SAMD5: variants seen among roughly 807,000 people sequenced by gnomAD.
SAMD5 encodes the protein sterile alpha motif domain-containing protein 5.
Under a neutral mutation model 11.3 loss-of-function variants are expected in SAMD5, and 13 were observed. The observed-to-expected ratio is 1.15, with a 90% CI of 0.75 to 1.83. The LOEUF is 1.83. SAMD5 is among the 40% of genes most tolerant of loss of function. The probability of loss-of-function intolerance (pLI) is 0.00; values close to 1 mark genes in which losing one functional copy is unlikely to be tolerated. For synonymous variants in SAMD5, 129 were observed against 111.3 expected, an observed-to-expected ratio of 1.16 and a Z score of -1.00; for missense variants, 255 against 239.1, an observed-to-expected ratio of 1.07 and a Z score of -0.44.
chr6:147,564,849 T>A lies in SAMD5; in HGVS notation c.*393T>A. On this transcript the variant is annotated 3_prime_UTR_variant, in exon 2 of 2. Transcript: ENST00000367474. The stretch of plus-strand genomic sequence containing the variant: ...AAGGTAGATTTCTGACAGTAAGTAG[T>A]AATTATATTATTTCCAAATTTGCTT... The A allele has an allele frequency of 1.1e-6, 1 of 949,718 alleles. No individual in the cohort carries two copies. The highest frequency in any genetic ancestry group is 1.3e-6 in the Non-Finnish European group (1 of 796,398). The allele number at this position is 949,718 out of a possible 1,614,324, so 58.8% of individuals were successfully genotyped here.
intron 1 of SAMD5, among the ~76,000 whole-genome samples, chr6:147,521,255 T>C (rs1583066337): frequency 6.6e-6 from 1 of 152,266 alleles, no homozygotes; most frequent in South Asian, 2.1e-4. Flanking sequence ...TGTATAATTA[T>C]GTATTGCCTG....
intron 1 of SAMD5, among the ~76,000 whole-genome samples, chr6:147,690,664 A>G (rs903859311): frequency 6.6e-6 from 1 of 152,170 alleles, no homozygotes; most frequent in Non-Finnish European, 1.5e-5. Flanking sequence ...AAATAAATAA[A>G]TAAATCCCAT....
downstream of SAMD5, among the ~76,000 whole-genome samples, chr6:147,738,368 G>C (rs536770428): frequency 2.0e-5 from 3 of 152,084 alleles, no homozygotes; most frequent in Non-Finnish European, 4.4e-5. Context: ...TACCTGTTTC[G>C]TTTCAAAATT....
chr6:147,606,294 A>T (rs1789698634), intron 1 of SAMD5, among the ~76,000 whole-genome samples: 1 of 152,184 alleles, frequency 6.6e-6, no homozygotes, highest in East Asian at 1.9e-4. Context: ...TGTACTGTAA[A>T]GTGATCTTTT....
chr6:147,950,592 C>T, the SAMD5 span, among the ~76,000 whole-genome samples: 3 of 152,296 alleles, frequency 2.0e-5, no homozygotes, highest in East Asian at 5.8e-4. Flanking sequence ...CTGGGAAGTT[C>T]ACAGCCAGCA....
chr6:147,865,233 G>T, the SAMD5 span, among the ~76,000 whole-genome samples: 4 of 151,906 alleles, frequency 2.6e-5, no homozygotes, highest in African/African-American at 9.7e-5. Flanking sequence ...GACACAGACT[G>T]TGATGTGTGT....
intron 1 of SAMD5, among the ~76,000 whole-genome samples, chr6:147,523,700 G>A (rs758922967): frequency 6.6e-6 from 1 of 152,170 alleles, no homozygotes; most frequent in Non-Finnish European, 1.5e-5. Flanking sequence ...AATCCATGGA[G>A]CAATTCTTAG....
intron 1 of SAMD5, among the ~76,000 whole-genome samples, chr6:147,595,939 A>G (rs958135230): frequency 1.3e-5 from 2 of 151,960 alleles, no homozygotes; most frequent in Admixed American, 1.3e-4. Context: ...TATTAGTATT[A>G]CTCTTATTAT....
At chr6:147,628,614 T>TAAATCAATG (rs1790093349) in intron 1 of SAMD5, among the ~76,000 whole-genome samples, 1 of 152,184 alleles carries the variant, frequency 6.6e-6, no homozygotes, top group African/African-American at 2.4e-5. Flanking sequence ...AAATTTGGCC[T>TAAATCAATG]AAATCAATGC....
the SAMD5 span, among the ~76,000 whole-genome samples, chr6:147,841,906 G>A: frequency 6.6e-6 from 1 of 152,158 alleles, no homozygotes; most frequent in Non-Finnish European, 1.5e-5. Context: ...CATGGCTCCA[G>A]ATGGAGGCTG....
In SAMD5 at chr6:147,568,378, T is replaced by G. The variant is rs961474501; in HGVS notation, c.*3922T>G. On this transcript the variant is annotated 3_prime_UTR_variant, in exon 2 of 2. Coordinates refer to ENST00000367474, the MANE Select transcript of SAMD5 (RefSeq NM_001030060.3). Reference sequence around the variant, plus strand: ...AAAAAAGAAGTTAACATAATTAAAATGCTTGGACAAAACATTTGCTTTATA... The same window carrying G: ...AAAAAAGAAGTTAACATAATTAAAAGGCTTGGACAAAACATTTGCTTTATA... 4.1e-6 allele frequency: 4 copies of G among 984,886 alleles called. No individual in the cohort carries two copies. The African/African-American group carries it at 7.0e-5, about 17-fold the overall frequency. 61.0% of individuals were successfully genotyped at this position (984,886 alleles called of 1,614,324 possible). A position where few individuals can be genotyped will look rare whatever the true frequency, so the allele number is the denominator to read the frequency against.
the SAMD5 span, among the ~76,000 whole-genome samples, chr6:147,851,266 G>A: frequency 6.6e-6 from 1 of 152,082 alleles, no homozygotes; most frequent in Non-Finnish European, 1.5e-5. Context: ...TTTATAATGA[G>A]TGCTGTTAAT....
the SAMD5 span, among the ~76,000 whole-genome samples, chr6:147,863,321 C>T: frequency 6.6e-6 from 1 of 152,162 alleles, no homozygotes; most frequent in Non-Finnish European, 1.5e-5. Flanking sequence ...GTAAAGAAAA[C>T]TGGCAGGGGA....
At chr6:147,582,840 A>G (rs1263696488) in intron 1 of SAMD5, among the ~76,000 whole-genome samples, 6 of 152,184 alleles carry the variant, frequency 3.9e-5, no homozygotes, top group Non-Finnish European at 8.8e-5. Flanking sequence ...CACTGTGTTC[A>G]TTGGCCCAGT....
chr6:147,744,321 A>G, the SAMD5 span, among the ~76,000 whole-genome samples: 3 of 152,362 alleles, frequency 2.0e-5, no homozygotes, highest in East Asian at 5.8e-4. Context: ...AGTTCCTGAG[A>G]CATAGTAAAT....
intron 1 of SAMD5, chr6:147,729,963 T>G: frequency 2.4e-6 from 1 of 408,990 alleles, no homozygotes; most frequent in South Asian, 1.8e-5. Context: ...CGTGTGCCTG[T>G]AATCCCAGCT....
chr6:147,871,726 C>T, the SAMD5 span, among the ~76,000 whole-genome samples: 5 of 152,188 alleles, frequency 3.3e-5, no homozygotes, highest in Non-Finnish European at 7.3e-5. Flanking sequence ...CTATTAGAGA[C>T]ATCAGGCAAG....
At chr6:147,740,159 TTAAAG>T (rs1313166208), downstream of SAMD5, among the ~76,000 whole-genome samples, 2 of 152,308 alleles carry the variant, frequency 1.3e-5, no homozygotes, top group East Asian at 1.9e-4. Flanking sequence ...CATTATTACA[TTAAAG>T]TATTTACATT....
chr6:147,848,659 G>A, the SAMD5 span, among the ~76,000 whole-genome samples: 1 of 152,136 alleles, frequency 6.6e-6, no homozygotes, highest in South Asian at 2.1e-4. Flanking sequence ...TGCTTGTGAA[G>A]TTAGGGGCTT....
Sources: gnomAD v4.1 joint callset for allele counts (sites outside exome capture counted in the v4.1 genomes callset) on GRCh38, gnomAD v4.1.1 for gene constraint, MANE v1.5 for transcripts, NCBI Gene and HGNC (gene_info 2026-07-23, HGNC 2026-07-21) for gene names.